The following SHISA6 variants were observed in gnomAD, a reference collection of about 807,000 sequenced individuals.
The protein encoded by SHISA6 is shisa family member 6, also known as protein shisa-6.
SHISA6 carries 22 observed loss-of-function variants against 47.9 expected under a neutral mutation model. That is an observed-to-expected ratio of 0.46 (90% CI 0.33 to 0.66). The LOEUF is 0.66. Ranked by LOEUF, SHISA6 falls within the 30% of genes least tolerant of loss-of-function variation. SHISA6 has a pLI of 0.02. For missense variants in SHISA6, 680 were observed against 764.6 expected, an observed-to-expected ratio of 0.89 and a Z score of 1.30; for synonymous variants, 388 against 337.8, an observed-to-expected ratio of 1.15 and a Z score of -1.63.
intron 3 of SHISA6, among the ~76,000 whole-genome samples, chr17:11,518,396 A>C (rs1221913537): frequency 1.3e-5 from 2 of 152,044 alleles, no homozygotes; most frequent in African/African-American, 2.4e-5. Context: ...GTTTTGTTTA[A>C]AAGGCTGGGG....
At chr17:11,499,698 TTTGTTG>T (rs1555540217) in intron 3 of SHISA6, among the ~76,000 whole-genome samples, 5 of 146,602 alleles carry the variant, frequency 3.4e-5, no homozygotes, top group African/African-American at 1.1e-4. Context: ...TTTTTTTTTT[TTTGTTG>T]TTGTTGTTGT....
chr17:11,304,125 C>G (rs545587422), intron 2 of SHISA6, among the ~76,000 whole-genome samples: 1 of 152,204 alleles, frequency 6.6e-6, no homozygotes, highest in Non-Finnish European at 1.5e-5. Context: ...TCCTGGTGAG[C>G]GATAGGGTCC....
At position 11,558,430 on chromosome 17, in the gene SHISA6, G is replaced by A. The variant is rs2072005716; in HGVS notation, c.*126G>A. 8.7e-7 allele frequency: 1 copy of A among 1,147,356 alleles called. No individual in the cohort carries two copies. Among genetic ancestry groups the A allele is most frequent in the Non-Finnish European group, 1.2e-6 (1 of 830,526 alleles). The allele number at this position is 1,147,356 out of a possible 1,614,324, so 71.1% of individuals were successfully genotyped here. A position where few individuals can be genotyped will look rare whatever the true frequency, so the allele number is the denominator to read the frequency against. ...GTCCCCTCTGTAGGAAGTGGGGGTG[G>A]GCCACCTTTGCCCAAAAAGCCATAC... On this transcript the variant is annotated 3_prime_UTR_variant, in exon 6 of 6. Transcript: ENST00000441885.
chr17:11,438,083 A>G (rs929919847), intron 3 of SHISA6, among the ~76,000 whole-genome samples: 1 of 152,194 alleles, frequency 6.6e-6, no homozygotes, highest in Non-Finnish European at 1.5e-5. Context: ...TACCCTGCCA[A>G]CTGAGGGCCA....
rs186705670 is a variant in SHISA6 at position 11,557,141 on chromosome 17, G to A, written c.1106-613G>A. On this transcript the variant is annotated intron_variant, in intron 5 of 5. Transcript: ENST00000441885. ...AGGCCCATGTATTGGCTTTCTATGC[G>A]TTGCCTGTTACTACAGAGAAGGTGT... is the stretch of plus-strand genomic sequence containing the variant. 2.9e-3 allele frequency among the ~76,000 whole-genome samples: 439 copies of A among 152,302 alleles called. 2 individuals are homozygous for A. In the Middle Eastern group the frequency reaches 0.034, roughly 12 times the overall value.
intron 2 of SHISA6, among the ~76,000 whole-genome samples, chr17:11,355,615 C>T (rs1912055147): frequency 6.6e-6 from 1 of 152,154 alleles, no homozygotes; most frequent in African/African-American, 2.4e-5. Flanking sequence ...AAAAATATAT[C>T]AAATAAAGAT....
chr17:11,251,606 A>G (rs1389329082), intron 1 of SHISA6, among the ~76,000 whole-genome samples: 4 of 152,098 alleles, frequency 2.6e-5, no homozygotes, highest in Non-Finnish European at 2.9e-5. Context: ...AAACAGCTCC[A>G]TTTATCACAA....
intron 2 of SHISA6, among the ~76,000 whole-genome samples, chr17:11,360,404 AC>A (rs1180433673): frequency 2.0e-5 from 3 of 152,088 alleles, no homozygotes; most frequent in African/African-American, 7.2e-5. Context: ...CTACAAAAAT[AC>A]AAAAATTAGC....
chr17:11,321,431 TAGTC>T (rs1910715476), intron 2 of SHISA6, among the ~76,000 whole-genome samples: 1 of 152,198 alleles, frequency 6.6e-6, no homozygotes, highest in African/African-American at 2.4e-5. Context: ...CCAACAATAT[TAGTC>T]AGGGATTTGA....
intron 1 of SHISA6, among the ~76,000 whole-genome samples, chr17:11,253,146 C>T (rs1043567140): frequency 1.3e-5 from 2 of 152,190 alleles, no homozygotes; most frequent in African/African-American, 4.8e-5. Context: ...GCTGTGTCTT[C>T]TCCATCTGTC....
chr17:11,539,823 T>A (rs1365883059), intron 3 of SHISA6, among the ~76,000 whole-genome samples: 1 of 152,316 alleles, frequency 6.6e-6, no homozygotes, highest in South Asian at 2.1e-4. Flanking sequence ...GGAAGGCTGA[T>A]ATCCCTGACT....
rs1414460882 is a variant in SHISA6, at chr17:11,508,575, C to T, written c.896-43321C>T. Among the ~76,000 whole-genome samples the T allele has an allele frequency of 1.4e-4, 18 of 131,568 alleles. 3 individuals carry two copies. Among genetic ancestry groups the T allele is most frequent in the African/African-American group, 4.9e-4 (17 of 34,744 alleles). The allele number at this position is 131,568 out of a possible 152,430, so 86.3% of individuals were successfully genotyped here. Reference sequence around the variant, plus strand: ...TCTCCCCTCCCCTCCCCTCCCCTTCCTTTCCCACCTCTCCCCTGCCAGTGC... The same window carrying T: ...TCTCCCCTCCCCTCCCCTCCCCTTCTTTTCCCACCTCTCCCCTGCCAGTGC... On this transcript the variant is annotated intron_variant, in intron 3 of 5. Transcript: ENST00000441885.
intron 3 of SHISA6, among the ~76,000 whole-genome samples, chr17:11,404,436 C>T (rs1039535072): frequency 2.6e-5 from 4 of 152,152 alleles, no homozygotes; most frequent in Admixed American, 2.6e-4. Flanking sequence ...AAATTGTTCC[C>T]AGCTCCCTCT....
At chr17:11,334,174 G>A (rs1195548066) in intron 2 of SHISA6, among the ~76,000 whole-genome samples, 2 of 152,170 alleles carry the variant, frequency 1.3e-5, no homozygotes, top group East Asian at 1.9e-4. Context: ...CCTGACAACT[G>A]CAACCAGAGT....
intron 2 of SHISA6, among the ~76,000 whole-genome samples, chr17:11,319,062 A>G (rs1232602786): frequency 7.7e-6 from 1 of 129,894 alleles, no homozygotes; most frequent in Non-Finnish European, 1.6e-5. Context: ...TAAGACCTGT[A>G]TTTCTTCTTA....
intron 1 of SHISA6, among the ~76,000 whole-genome samples, chr17:11,247,230 C>T (rs1350202970): frequency 6.6e-6 from 1 of 152,208 alleles, no homozygotes; most frequent in Non-Finnish European, 1.5e-5. Context: ...GAGGCTAATT[C>T]ACTAGCTCCA....
intron 3 of SHISA6, among the ~76,000 whole-genome samples, chr17:11,539,764 G>A (rs1253785210): frequency 2.0e-5 from 3 of 152,186 alleles, no homozygotes; most frequent in South Asian, 4.1e-4. Context: ...TCAGCATATC[G>A]ATCAATGAGT....
chr17:11,267,885 T>G (rs1908485400), intron 2 of SHISA6, among the ~76,000 whole-genome samples: 2 of 152,028 alleles, frequency 1.3e-5, no homozygotes, highest in Admixed American at 1.3e-4. Flanking sequence ...AAAAGATTGT[T>G]TAGGGGACCA....
chr17:11,323,036 G>A (rs908275355), intron 2 of SHISA6, among the ~76,000 whole-genome samples: 2 of 152,174 alleles, frequency 1.3e-5, no homozygotes, highest in South Asian at 2.1e-4. Context: ...AATTCTTTTC[G>A]GGTCAGGTTA....
Sources: gnomAD v4.1 joint callset for allele counts (sites outside exome capture counted in the v4.1 genomes callset) on GRCh38, gnomAD v4.1.1 for gene constraint, MANE v1.5 for transcripts, NCBI Gene and HGNC (gene_info 2026-07-23, HGNC 2026-07-21) for gene names.